Variants in ZDHHC15 observed in about 807,000 individuals in gnomAD.
ZDHHC15 encodes the protein zDHHC palmitoyltransferase 15.
In ZDHHC15, 19 loss-of-function variants were observed where a neutral mutation model predicts 31.7. The observed-to-expected ratio is 0.60, with a 90% CI of 0.42 to 0.88. ZDHHC15 has a LOEUF of 0.88. Among genes scored for constraint, ZDHHC15 ranks in the 40% least tolerant of loss-of-function variants. The probability of loss-of-function intolerance (pLI) is 0.00; values close to 1 mark genes in which losing one functional copy is unlikely to be tolerated. For synonymous variants in ZDHHC15, 103 were observed against 90.0 expected (o/e 1.14, Z -0.82); for missense variants, 209 against 251.2 (o/e 0.83, Z 1.14).
chrX:75,375,438 C>T (rs1243143260), intron 11 of ZDHHC15, among the ~76,000 whole-genome samples: 3 of 111,358 alleles, frequency 2.7e-5, no homozygotes, highest in African/African-American at 6.5e-5. Context: ...ATTTTAGATT[C>T]GGGGTACATG....
chrX:75,491,555 G>A (rs1231630617), intron 2 of ZDHHC15, among the ~76,000 whole-genome samples: 1 of 108,492 alleles, frequency 9.2e-6, no homozygotes, highest in African/African-American at 3.4e-5. Context: ...CAGCACACCA[G>A]CATGGCACAT....
intron 2 of ZDHHC15, among the ~76,000 whole-genome samples, chrX:75,481,040 G>A (rs1156461268): frequency 9.0e-6 from 1 of 111,466 alleles, no homozygotes; most frequent in African/African-American, 3.3e-5. Flanking sequence ...CCCCCTGGGA[G>A]TGTCTCTAGG....
rs1185642127 is a variant in ZDHHC15, at chrX:75,453,152, T to G, written c.259-2230A>C. 9.9e-5 allele frequency among the ~76,000 whole-genome samples: 11 copies of G among 110,840 alleles called. No individual in the cohort carries two copies. The Admixed American group carries it at 1.1e-3, about 11-fold the overall frequency. On this transcript the variant is annotated intron_variant, in intron 3 of 11. Transcript: ENST00000373367. ...TAGACTGCTAGACTGCTAGCAAGAC[T>G]AATAAAGAAAAGAGACAAGAATCAA... is the stretch of plus-strand genomic sequence containing the variant.
chrX:75,471,338 T>C (rs980741832), intron 3 of ZDHHC15, among the ~76,000 whole-genome samples: 2 of 112,310 alleles, frequency 1.8e-5, no homozygotes, highest in African/African-American at 6.5e-5. Context: ...ATCACACTGG[T>C]CCATTACATT....
At chrX:75,436,429 TG>T (rs1467305486) in intron 4 of ZDHHC15, among the ~76,000 whole-genome samples, 1 of 111,956 alleles carries the variant, frequency 8.9e-6, no homozygotes, top group African/African-American at 3.2e-5. Context: ...AAGCTTAGAT[TG>T]TCCATTTGTG....
intron 2 of ZDHHC15, among the ~76,000 whole-genome samples, chrX:75,498,749 TATC>T (rs1394974018): frequency 9.0e-6 from 1 of 111,646 alleles, no homozygotes; most frequent in Non-Finnish European, 1.9e-5. Context: ...CCCATTAAAA[TATC>T]ATCATCATTC....
chrX:75,501,858 A>C (rs1417037105), intron 2 of ZDHHC15: 2 of 111,581 alleles, frequency 1.8e-5, no homozygotes, highest in Non-Finnish European at 3.8e-5. Flanking sequence ...TTTCAAGTGC[A>C]TAGTTTGCAA....
intron 8 of ZDHHC15, among the ~76,000 whole-genome samples, chrX:75,423,995 A>C (rs2147851402): frequency 9.0e-6 from 1 of 111,544 alleles, no homozygotes; most frequent in East Asian, 2.8e-4. Context: ...AGATGAAATA[A>C]AATGTACTGG....
intron 2 of ZDHHC15, among the ~76,000 whole-genome samples, chrX:75,484,533 T>A (rs894801121): frequency 8.9e-5 from 10 of 111,770 alleles, no homozygotes; most frequent in African/African-American, 3.2e-4. Context: ...TAAGAAACTA[T>A]CACCACCACC....
chrX:75,439,873 G>A (rs2083914262), intron 4 of ZDHHC15, among the ~76,000 whole-genome samples: 1 of 111,736 alleles, frequency 8.9e-6, no homozygotes, highest in African/African-American at 3.3e-5. Context: ...TTGATGTGGT[G>A]TTCTCCCCAT....
intron 3 of ZDHHC15, among the ~76,000 whole-genome samples, chrX:75,476,570 T>A (rs1294929435): frequency 9.0e-6 from 1 of 110,989 alleles, no homozygotes; most frequent in African/African-American, 3.3e-5. Context: ...TCACTTCTGA[T>A]ATTAGTAATT....
At chrX:75,423,527 C>T (rs758112737) in intron 8 of ZDHHC15, among the ~76,000 whole-genome samples, 1 of 103,524 alleles carries the variant, frequency 9.7e-6, no homozygotes, top group African/African-American at 3.6e-5. Flanking sequence ...GACAGGATCT[C>T]GTTCTTTGTT....
chrX:75,482,841 T>C (rs1334103609), intron 2 of ZDHHC15, among the ~76,000 whole-genome samples: 1 of 109,885 alleles, frequency 9.1e-6, no homozygotes, highest in African/African-American at 3.3e-5. Flanking sequence ...TTTTGGGCGT[T>C]GAAGTGTCGT....
chrX:75,387,204 C>T (rs760745286), intron 10 of ZDHHC15, among the ~76,000 whole-genome samples: 1 of 111,666 alleles, frequency 9.0e-6, no homozygotes, highest in South Asian at 3.8e-4. Context: ...GAATAAAAAC[C>T]AAAACAAGAC....
chrX:75,376,162 G>A (rs1240208405), intron 11 of ZDHHC15, among the ~76,000 whole-genome samples: 3 of 110,312 alleles, frequency 2.7e-5, no homozygotes, highest in Non-Finnish European at 3.8e-5. Context: ...GATTAGTGAT[G>A]ATGAGCATTT....
chrX:75,446,158 A>C (rs748530921), intron 4 of ZDHHC15, among the ~76,000 whole-genome samples: 8 of 112,278 alleles, frequency 7.1e-5, no homozygotes, highest in African/African-American at 2.3e-4. Flanking sequence ...GTTGGAAAAA[A>C]CATAAAGTTG....
chrX:75,493,182 G>T (rs962101236), intron 2 of ZDHHC15, among the ~76,000 whole-genome samples: 48 of 111,760 alleles, frequency 4.3e-4, no homozygotes, highest in African/African-American at 1.4e-3. Flanking sequence ...AGAAAATCTA[G>T]AAGAAATAGA....
intron 3 of ZDHHC15, among the ~76,000 whole-genome samples, chrX:75,464,449 T>TA (rs2084371019): frequency 9.1e-6 from 1 of 110,307 alleles, no homozygotes; most frequent in African/African-American, 3.3e-5. Context: ...TAAAATAAAA[T>TA]AAAAAATAAA....
intron 10 of ZDHHC15, among the ~76,000 whole-genome samples, chrX:75,401,554 C>G (rs1247329680): frequency 9.0e-6 from 1 of 111,703 alleles, no homozygotes; most frequent in Non-Finnish European, 1.9e-5. Context: ...AAAAATCTAC[C>G]AAGCTAATGG....
Sources: allele counts gnomAD v4.1 joint callset (sites outside exome capture counted in the v4.1 genomes callset), GRCh38; gene constraint gnomAD v4.1.1; transcripts MANE v1.5; gene names NCBI Gene and HGNC (gene_info 2026-07-23, HGNC 2026-07-21).